Variants in TTLL11 observed in about 807,000 individuals in gnomAD.
TTLL11 encodes tubulin tyrosine ligase like 11.
Under a neutral mutation model 51.7 loss-of-function variants are expected in TTLL11, and 42 were observed. That is an observed-to-expected ratio of 0.81 (90% CI 0.64 to 1.05). The LOEUF (loss-of-function observed/expected upper bound fraction) is 1.05, where lower values mean the gene tolerates loss of function less well. TTLL11 is among the 50% of genes least tolerant of loss of function. The pLI, the probability that TTLL11 is intolerant of heterozygous loss-of-function variation, is 0.00. For missense variants in TTLL11, 799 were observed against 940.4 expected, an observed-to-expected ratio of 0.85 and a Z score of 1.97; for synonymous variants, 381 against 383.5, an observed-to-expected ratio of 0.99 and a Z score of 0.08.
Position 121,821,793 on chromosome 9 carries a change from CTTG to C in TTLL11, c.*791_*793del, listed in dbSNP as rs905225903. 6.6e-6 allele frequency: 1 copy of C among 152,152 alleles called. No individual in the cohort carries two copies. 9.4% of individuals were successfully genotyped at this position (152,152 alleles called of 1,614,324 possible). A position where few individuals can be genotyped will look rare whatever the true frequency, so the allele number is the denominator to read the frequency against. ...GGGCATGCAGGGACCCCTGGCAGTG[CTTG>C]TTGTGGACACGCTGGCCACATGACC... is the stretch of plus-strand genomic sequence containing the variant. On this transcript the variant is annotated 3_prime_UTR_variant, in exon 9 of 9. Coordinates refer to ENST00000321582, the MANE Select transcript of TTLL11 (RefSeq NM_001139442.2). The surrounding 1 kb of genome is among the most constrained non-coding windows in gnomAD (Gnocchi z 5.0).
chr9:122,026,260 G>A (rs1416883711), intron 3 of TTLL11, among the ~76,000 whole-genome samples: 1 of 151,944 alleles, frequency 6.6e-6, no homozygotes, highest in African/African-American at 2.4e-5. Flanking sequence ...CCAACATGGT[G>A]AAACCCATCT....
intron 1 of TTLL11, among the ~76,000 whole-genome samples, chr9:122,074,468 T>C (rs551338865): frequency 2.0e-5 from 3 of 152,340 alleles, no homozygotes; most frequent in East Asian, 3.9e-4. Context: ...TTGAGAAATA[T>C]TTTGGTTTTG....
At chr9:122,015,394 A>G (rs957539534) in intron 3 of TTLL11, among the ~76,000 whole-genome samples, 15 of 152,154 alleles carry the variant, frequency 9.9e-5, no homozygotes, top group Non-Finnish European at 1.5e-4. Context: ...TGGGGAGGTG[A>G]AACCATGGCT....
chr9:121,923,467 T>G (rs1840612433), intron 6 of TTLL11, among the ~76,000 whole-genome samples: 1 of 151,922 alleles, frequency 6.6e-6, no homozygotes, highest in African/African-American at 2.4e-5. Context: ...ACATAACCAT[T>G]GTAATTTTTG....
chr9:121,965,080 T>C (rs1228523916), intron 6 of TTLL11, among the ~76,000 whole-genome samples: 1 of 152,208 alleles, frequency 6.6e-6, no homozygotes, highest in Non-Finnish European at 1.5e-5. Flanking sequence ...ATGGTACAAA[T>C]GAAATTCAAA....
At chr9:121,892,910 G>A (rs773807392) in intron 6 of TTLL11, among the ~76,000 whole-genome samples, 9 of 152,134 alleles carry the variant, frequency 5.9e-5, no homozygotes, top group Non-Finnish European at 1.0e-4. Context: ...CAGGAAGGCC[G>A]TGAAGGGGGC....
At chr9:122,087,214 A>AT (rs11308678) in intron 1 of TTLL11, among the ~76,000 whole-genome samples, 3,185 of 146,358 alleles carry the variant, frequency 0.022, 82 homozygotes, top group African/African-American at 0.069. Context: ...ACTCAATACA[A>AT]TTTTTTTTTT....
chr9:122,033,402 G>A lies in TTLL11; in HGVS notation c.560-1546C>T, dbSNP rs567619587. Among the ~76,000 whole-genome samples the A allele has an allele frequency of 4.6e-5, 7 of 152,234 alleles. No individual in the cohort carries two copies. In the East Asian group the frequency reaches 9.6e-4, roughly 21 times the overall value. On this transcript the variant is annotated intron_variant, in intron 2 of 8. Transcript: ENST00000321582. ...TGCTGGGATTACAGACGTGGCCACC[G>A]CACCCGGCTATCATGCTTGTTTCTT...
chr9:122,086,564 T>C (rs375836260), intron 1 of TTLL11, among the ~76,000 whole-genome samples: 43 of 152,168 alleles, frequency 2.8e-4, no homozygotes, highest in African/African-American at 9.7e-4. Flanking sequence ...GACAGAAAGA[T>C]TCAAATAGCA....
intron 6 of TTLL11, among the ~76,000 whole-genome samples, chr9:121,934,264 A>AAATAAATAAATAAATAAATC (rs1424864629): frequency 2.6e-5 from 4 of 151,760 alleles, no homozygotes; most frequent in African/African-American, 4.9e-5. Flanking sequence ...ATAAATAAAT[A>AAATAAATAAATAAATAAATC]AATCCATTCG....
chr9:122,024,030 G>A (rs76739177), intron 3 of TTLL11, among the ~76,000 whole-genome samples: 2,460 of 152,174 alleles, frequency 0.016, 61 homozygotes, highest in African/African-American at 0.055. Context: ...CTCAGAGGAT[G>A]TAATAGTCCA....
intron 8 of TTLL11, among the ~76,000 whole-genome samples, chr9:121,834,501 G>T (rs1417609956): frequency 1.3e-5 from 2 of 149,808 alleles, no homozygotes; most frequent in African/African-American, 5.0e-5. Context: ...TTTTCACAAG[G>T]TACCACACAG....
chr9:121,835,162 T>G (rs75601284), intron 8 of TTLL11, among the ~76,000 whole-genome samples: 2,001 of 152,294 alleles, frequency 0.013, 53 homozygotes, highest in African/African-American at 0.046. Flanking sequence ...GGAAGTGATG[T>G]AGACTTCTGA....
intron 3 of TTLL11, among the ~76,000 whole-genome samples, chr9:122,001,393 C>G (rs369160513): frequency 6.6e-6 from 1 of 151,988 alleles, no homozygotes; most frequent in African/African-American, 2.4e-5. Flanking sequence ...CGTGAGCCAC[C>G]GCACCCAGCT....
Position 121,826,563 on chromosome 9 carries a change from A to ATATATATGTG in TTLL11, c.1841-3685_1841-3684insCACATATATA, listed in dbSNP as rs1564260669. ...TATATATATATATGTGTGTGTATATATATATATATATATATATATGTATAT... is the reference window on the plus strand; with the variant it reads ...TATATATATATATGTGTGTGTATATATATATATGTGTATATATATATATATATATGTATAT... On this transcript the variant is annotated intron_variant, in intron 8 of 8. Transcript: ENST00000321582. Among the ~76,000 whole-genome samples the ATATATATGTG allele has an allele frequency of 5.0e-4, 54 of 107,646 alleles. 1 individual carries two copies. Among genetic ancestry groups the ATATATATGTG allele is most frequent in the Non-Finnish European group, 8.7e-4 (48 of 55,332 alleles). The allele number at this position is 107,646 out of a possible 152,430, so 70.6% of individuals were successfully genotyped here.
chr9:121,917,577 G>GAAA, intron 6 of TTLL11, among the ~76,000 whole-genome samples: 2 of 138,998 alleles, frequency 1.4e-5, no homozygotes, highest in African/African-American at 5.4e-5. Context: ...AAGAAAGAAA[G>GAAA]GAAGGAAAAG....
At chr9:122,013,129 G>A (rs560295507) in intron 3 of TTLL11, among the ~76,000 whole-genome samples, 1 of 152,180 alleles carries the variant, frequency 6.6e-6, no homozygotes, top group African/African-American at 2.4e-5. Flanking sequence ...TACAGATGAG[G>A]AAATTGAGGC....
chr9:121,938,843 T>C (rs1450549608), intron 6 of TTLL11, among the ~76,000 whole-genome samples: 1 of 152,222 alleles, frequency 6.6e-6, no homozygotes, highest in Non-Finnish European at 1.5e-5. Context: ...TCATATAAAC[T>C]GGTGGGAGTG....
chr9:121,835,137 G>T (rs921552008), intron 8 of TTLL11, among the ~76,000 whole-genome samples: 5 of 152,196 alleles, frequency 3.3e-5, no homozygotes, highest in African/African-American at 7.2e-5. Flanking sequence ...GATCTCCGAG[G>T]ATTCCACAAG....
Sources: gnomAD v4.1 joint callset for allele counts (sites outside exome capture counted in the v4.1 genomes callset) on GRCh38, gnomAD v4.1.1 for gene constraint, Gnocchi (gnomAD v3.1) non-coding constraint, MANE v1.5 for transcripts, NCBI Gene and HGNC (gene_info 2026-07-23, HGNC 2026-07-21) for gene names.